The following CFAP53 variants were observed in gnomAD, a reference collection of about 807,000 sequenced individuals.
The protein encoded by CFAP53 is cilia and flagella associated protein 53.
A neutral mutation model predicts 59.7 loss-of-function variants in CFAP53; 62 were observed. That is an observed-to-expected ratio of 1.04 (90% confidence interval 0.85 to 1.28). The LOEUF is 1.28. CFAP53 is among the 50% of genes most tolerant of loss of function. CFAP53 has a pLI of 0.00. For synonymous variants in CFAP53, 218 were observed against 205.7 expected, an observed-to-expected ratio of 1.06 and a Z score of -0.51; for missense variants, 629 against 615.6, an observed-to-expected ratio of 1.02 and a Z score of -0.23.
chr18:50,250,624 T>C, intron 5 of CFAP53, 134 bp downstream of exon 5: 1 of 678,514 alleles, frequency 1.5e-6, no homozygotes, highest in Non-Finnish European at 2.6e-6. Context: ...TTTTCCCAGA[T>C]GGTGCTGATG....
intron 3 of CFAP53, 35 bp from the exon 4 acceptor site, chr18:50,251,819 C>G: frequency 1.3e-6 from 2 of 1,575,964 alleles, no homozygotes; most frequent in Non-Finnish European, 1.7e-6. Flanking sequence ...AAAACCCAGC[C>G]TTTCGTGAGG....
At chr18:50,246,333 T>C (rs2033744408) in intron 5 of CFAP53, among the ~76,000 whole-genome samples, 1 of 152,254 alleles carries the variant, frequency 6.6e-6, no homozygotes, top group African/African-American at 2.4e-5. Flanking sequence ...TTTACTGTAA[T>C]TGATTTTTGA....
At position 50,266,423 on chromosome 18, in the gene CFAP53, A is replaced by C; in HGVS notation, c.-19T>G. On this transcript the variant is annotated 5_prime_UTR_variant, in exon 1 of 8. Transcript: ENST00000398545. ...TGTACATTTTCGAGTCCCCTTCGGG[A>C]CGGGGGCGGCGTCCGCCGCGTTTCC... 1 of 1,613,806 alleles carries C rather than the reference A, an allele frequency of 6.2e-7. No homozygotes were observed. The highest frequency in any genetic ancestry group is 8.5e-7 in the Non-Finnish European group (1 of 1,179,670).
intron 1 of CFAP53, among the ~76,000 whole-genome samples, chr18:50,266,113 G>A (rs1434939449): frequency 6.6e-6 from 1 of 152,250 alleles, no homozygotes; most frequent in Non-Finnish European, 1.5e-5. Flanking sequence ...GGGGGCAGAT[G>A]AAAGGCTGTA....
At chr18:50,250,533 T>G (rs1315518285) in intron 5 of CFAP53, among the ~76,000 whole-genome samples, 1 of 152,194 alleles carries the variant, frequency 6.6e-6, no homozygotes, top group Non-Finnish European at 1.5e-5. Flanking sequence ...GGGAGTGTGC[T>G]GAAACACAGA....
rs1261548145 is a variant in CFAP53, at chr18:50,250,967, T to G, written c.787A>C (p.Asn263His). Residue 263 changes from asparagine (N) to histidine (H), a missense_variant, in exon 5 of 8, where the codon AAC becomes CAC. By Grantham distance (68) the Asn-to-His change is moderately conservative. Coordinates refer to ENST00000398545, the MANE Select transcript of CFAP53 (RefSeq NM_145020.5). ...TCATTCTCATGTTTAATCTGTGCGTTGTTACTTTCCTAAGGTAGAATCATA... is the reference window on the plus strand; with the variant it reads ...TCATTCTCATGTTTAATCTGTGCGTGGTTACTTTCCTAAGGTAGAATCATA... ...EEEARLVESN[N>H]AQIKHENEQD... is the part of the protein sequence containing the mutation. 4 of 1,613,656 alleles carry G rather than the reference T, an allele frequency of 2.5e-6. No individual in the cohort carries two copies. The African/African-American group carries it at 5.3e-5, about 22-fold the overall frequency.
At chr18:50,232,267 C>G (rs142610208) in intron 7 of CFAP53, among the ~76,000 whole-genome samples, 1 of 152,282 alleles carries the variant, frequency 6.6e-6, no homozygotes, top group African/African-American at 2.4e-5. Flanking sequence ...ACTCTCAAAC[C>G]CTCAAAAAGA....
Position 50,253,207 on chromosome 18 carries a change from G to A in CFAP53, c.474-1423C>T, listed in dbSNP as rs567499633. Among the ~76,000 whole-genome samples the A allele has an allele frequency of 1.9e-4, 29 of 152,142 alleles. No homozygotes were observed. In the East Asian group the frequency reaches 3.1e-3, roughly 16 times the overall value. On this transcript the variant is annotated intron_variant, in intron 3 of 7. Coordinates refer to ENST00000398545, the MANE Select transcript of CFAP53 (RefSeq NM_145020.5). ...AATTTTTTGTATTTTTAGTGGAGAC[G>A]GGGTTTCACCGTGTTACCCAGGATG... is the stretch of plus-strand genomic sequence containing the variant.
chr18:50,251,565 G>C lies in CFAP53; in HGVS notation c.693C>G (p.Arg231=). 2 of 1,614,192 alleles carry C rather than the reference G, an allele frequency of 1.2e-6. No homozygotes were observed. The highest frequency in any genetic ancestry group is 1.7e-6 in the Non-Finnish European group (2 of 1,180,050). The change falls in exon 4 of 8, where the codon CGC becomes CGG. Residue 231 remains arginine, a synonymous_variant. Transcript: ENST00000398545. ...RRQKELMENT[R]LGLNAQITSI... ...TGGTGATCTGGGCATTCAGCCCCAGGCGTGTGTTCTCCATCAGCTCTTTCT... is the reference window on the plus strand; with the variant it reads ...TGGTGATCTGGGCATTCAGCCCCAGCCGTGTGTTCTCCATCAGCTCTTTCT...
intron 6 of CFAP53, among the ~76,000 whole-genome samples, chr18:50,241,770 A>C (rs113839638): frequency 6.6e-6 from 1 of 152,188 alleles, no homozygotes; most frequent in Non-Finnish European, 1.5e-5. Context: ...GATCACAAGG[A>C]GAAGGCAAAA....
At chr18:50,235,008 G>A (rs968576290) in intron 7 of CFAP53, among the ~76,000 whole-genome samples, 4 of 152,264 alleles carry the variant, frequency 2.6e-5, no homozygotes, top group African/African-American at 7.2e-5. Flanking sequence ...TTCATTGGCA[G>A]GGGTTGTCTT....
chr18:50,266,340 A>G lies in CFAP53; in HGVS notation c.65T>C (p.Ile22Thr). ...EVKGPTPKVV[I>T]VRSKPPKGQG... ...GCAGACATATCCTGTGCTTACCACG[A>G]TCACCACTTTGGGGGTGGGGCCCTT... Residue 22 changes from isoleucine to threonine, a missense_variant, in exon 1 of 8, where the codon ATC becomes ACC. Coordinates refer to ENST00000398545, the MANE Select transcript of CFAP53 (RefSeq NM_145020.5). 6.2e-7 allele frequency: 1 copy of G among 1,614,228 alleles called. No individual in the cohort carries two copies. Among genetic ancestry groups the G allele is most frequent in the South Asian group, 1.1e-5 (1 of 91,092 alleles).
chr18:50,245,327 A>C (rs978303002), intron 5 of CFAP53, among the ~76,000 whole-genome samples: 1 of 146,300 alleles, frequency 6.8e-6, no homozygotes, highest in Non-Finnish European at 1.5e-5. Context: ...GCTTGCAGTG[A>C]GCCGAGATTG....
Position 50,266,476 on chromosome 18 carries a change from C to T in CFAP53, c.-72G>A. 1 of 1,458,460 alleles carries T rather than the reference C, an allele frequency of 6.9e-7. No individual in the cohort carries two copies. Among genetic ancestry groups the T allele is most frequent in the Non-Finnish European group, 9.6e-7 (1 of 1,038,394 alleles). 90.3% of individuals were successfully genotyped at this position (1,458,460 alleles called of 1,614,324 possible). ...CAACCGTGGCGACCTGCGGGACCCGCTTCCGCGACGCAGAAGTCTGGTTGC... is the reference window on the plus strand; with the variant it reads ...CAACCGTGGCGACCTGCGGGACCCGTTTCCGCGACGCAGAAGTCTGGTTGC... On this transcript the variant is annotated 5_prime_UTR_variant, in exon 1 of 8. Coordinates refer to ENST00000398545, the MANE Select transcript of CFAP53 (RefSeq NM_145020.5).
At chr18:50,253,056 G>A (rs1175100190) in intron 3 of CFAP53, among the ~76,000 whole-genome samples, 75 of 149,908 alleles carry the variant, frequency 5.0e-4, no homozygotes, top group African/African-American at 1.6e-3. Flanking sequence ...TCGCTCTGTC[G>A]CCCAGGCTGG....
rs758249164 is a variant in CFAP53, at chr18:50,227,605, G to T, written c.1321C>A (p.Gln441Lys). The change falls in exon 8 of 8, where the codon CAA becomes AAA. Residue 441 changes from glutamine to lysine, a missense_variant. Gln to Lys is a moderately conservative substitution (Grantham distance 53). Transcript: ENST00000398545. ...TTCCTGTACTCCTGGGCTAAACGTT[G>T]GCGTCTAAAGTATTAGAAATGTCAA... is the stretch of plus-strand genomic sequence containing the variant. ...CEEKENFARR[Q>K]RLAQEYRKQL... is the part of the protein sequence containing the mutation. 6.2e-6 allele frequency: 10 copies of T among 1,611,478 alleles called. No individual in the cohort carries two copies. The highest frequency in any genetic ancestry group is 8.5e-6 in the Non-Finnish European group (10 of 1,177,664).
At position 50,237,205 on chromosome 18, in the gene CFAP53, C is replaced by T. The variant is rs1419006317; in HGVS notation, c.1316+1398G>A. Among the ~76,000 whole-genome samples, 7 of 142,326 alleles carry T rather than the reference C, an allele frequency of 4.9e-5. No individual in the cohort carries two copies. The East Asian group carries it at 1.3e-3, about 27-fold the overall frequency. The allele number at this position is 142,326 out of a possible 152,430, so 93.4% of individuals were successfully genotyped here. On this transcript the variant is annotated intron_variant, in intron 7 of 7. Transcript: ENST00000398545. The stretch of plus-strand genomic sequence containing the variant: ...CCTGTAATCCTAGGTATTTGAGTGG[C>T]TGAGGCAGAGAATTGCTTGAACCCG...
chr18:50,237,381 C>T (rs909079851), intron 7 of CFAP53, among the ~76,000 whole-genome samples: 1 of 73,350 alleles, frequency 1.4e-5, no homozygotes, highest in African/African-American at 4.9e-5. Context: ...CACACACACA[C>T]ACATACACAC....
chr18:50,232,058 AG>A (rs2033588818), intron 7 of CFAP53, among the ~76,000 whole-genome samples: 1 of 152,188 alleles, frequency 6.6e-6, no homozygotes, highest in African/African-American at 2.4e-5. Context: ...CCCTTTAGAA[AG>A]TGCACCCCAA....
Sources: allele counts gnomAD v4.1 joint callset (sites outside exome capture counted in the v4.1 genomes callset), GRCh38; gene constraint gnomAD v4.1.1; transcripts MANE v1.5; gene names NCBI Gene and HGNC (gene_info 2026-07-23, HGNC 2026-07-21).